The following GPC5 variants were observed in gnomAD, a reference collection of about 807,000 sequenced individuals.
The protein encoded by GPC5 is glypican-5.
In GPC5, 47 loss-of-function variants were observed where a neutral mutation model predicts 53.9. That is an observed-to-expected ratio of 0.87 (90% CI 0.69 to 1.11). GPC5 has a LOEUF of 1.11. GPC5 is among the 50% of genes most tolerant of loss of function. The probability of loss-of-function intolerance (pLI) is 0.00; values close to 1 mark genes in which losing one functional copy is unlikely to be tolerated. For synonymous variants in GPC5, 286 were observed against 263.3 expected, an observed-to-expected ratio of 1.09 and a Z score of -0.84; for missense variants, 748 against 713.1, an observed-to-expected ratio of 1.05 and a Z score of -0.56.
intron 2 of GPC5, among the ~76,000 whole-genome samples, chr13:91,634,517 T>A (rs965701506): frequency 7.2e-5 from 11 of 152,030 alleles, no homozygotes; most frequent in African/African-American, 2.7e-4. Context: ...CAAAGTCTCA[T>A]AAGTCTCATA....
At chr13:91,776,016 G>A (rs2037705834) in intron 5 of GPC5, among the ~76,000 whole-genome samples, 1 of 152,308 alleles carries the variant, frequency 6.6e-6, no homozygotes. Flanking sequence ...TGTCCCCATT[G>A]CATCTGGTCA....
intron 7 of GPC5, among the ~76,000 whole-genome samples, chr13:92,752,087 C>A (rs56865501): frequency 0.18 from 26,928 of 150,328 alleles, 2,495 homozygotes; most frequent in African/African-American, 0.21. Flanking sequence ...AAAGCAAGAA[C>A]TCTAGAGCAG....
At chr13:92,346,667 C>T (rs2043415597) in intron 7 of GPC5, among the ~76,000 whole-genome samples, 1 of 152,188 alleles carries the variant, frequency 6.6e-6, no homozygotes, top group Non-Finnish European at 1.5e-5. Context: ...GGAATCATTA[C>T]ACTTCAAGGG....
intron 6 of GPC5, among the ~76,000 whole-genome samples, chr13:92,095,250 C>A (rs927895144): frequency 6.6e-6 from 1 of 152,092 alleles, no homozygotes; most frequent in African/African-American, 2.4e-5. Context: ...AATAAACTTA[C>A]CAAGTTATAG....
intron 7 of GPC5, among the ~76,000 whole-genome samples, chr13:92,724,834 A>T (rs576517839): frequency 6.7e-6 from 1 of 150,152 alleles, no homozygotes; most frequent in Non-Finnish European, 1.5e-5. Context: ...TGCTCATTTA[A>T]AGATTTCTTA....
chr13:92,284,673 C>T (rs1333931058), intron 7 of GPC5, among the ~76,000 whole-genome samples: 4 of 152,096 alleles, frequency 2.6e-5, no homozygotes, highest in African/African-American at 9.7e-5. Flanking sequence ...CAGAAAACGC[C>T]TCTGACAAAA....
At chr13:92,268,677 A>G (rs1347006974) in intron 7 of GPC5, among the ~76,000 whole-genome samples, 1 of 151,848 alleles carries the variant, frequency 6.6e-6, no homozygotes, top group Non-Finnish European at 1.5e-5. Flanking sequence ...TGAAGCTACA[A>G]AATTATTCTG....
intron 7 of GPC5, among the ~76,000 whole-genome samples, chr13:92,171,327 GTTGA>G (rs547168891): frequency 1.2e-3 from 190 of 152,192 alleles, no homozygotes; most frequent in African/African-American, 4.5e-3. Flanking sequence ...TAGAAAACAT[GTTGA>G]TTATCTCAGT....
intron 7 of GPC5, among the ~76,000 whole-genome samples, chr13:92,865,774 T>G (rs1325283449): frequency 1.3e-5 from 2 of 152,134 alleles, no homozygotes; most frequent in Non-Finnish European, 2.9e-5. Flanking sequence ...TCTATAAAAT[T>G]TGTCAAGTAA....
At chr13:91,952,151 T>A (rs1261282092) in intron 6 of GPC5, among the ~76,000 whole-genome samples, 1 of 151,206 alleles carries the variant, frequency 6.6e-6, no homozygotes, top group African/African-American at 2.4e-5. Context: ...CTTGTCATGT[T>A]ACCATTTTGG....
At chr13:91,619,018 T>C (rs1453613166) in intron 2 of GPC5, among the ~76,000 whole-genome samples, 9 of 152,016 alleles carry the variant, frequency 5.9e-5, no homozygotes, top group Admixed American at 5.9e-4. Context: ...TAAGAGGAAA[T>C]TTGGCATTCT....
At chr13:92,056,579 T>C (rs1402367826) in intron 6 of GPC5, among the ~76,000 whole-genome samples, 1 of 152,164 alleles carries the variant, frequency 6.6e-6, no homozygotes, top group Admixed American at 6.5e-5. Flanking sequence ...GTACCAAGGG[T>C]AATGAGAATT....
intron 7 of GPC5, among the ~76,000 whole-genome samples, chr13:92,582,212 G>A (rs557333222): frequency 1.3e-5 from 2 of 152,100 alleles, no homozygotes; most frequent in Admixed American, 6.5e-5. Flanking sequence ...ATTTCGAGTT[G>A]ACTTTTGTAT....
intron 5 of GPC5, among the ~76,000 whole-genome samples, chr13:91,836,946 G>A (rs1020722386): frequency 3.3e-5 from 5 of 151,008 alleles, no homozygotes; most frequent in African/African-American, 1.2e-4. Flanking sequence ...TTGCTAAATT[G>A]TTTTTGCCAA....
intron 1 of GPC5, among the ~76,000 whole-genome samples, chr13:91,428,922 GTTTTC>G (rs1879243212): frequency 6.6e-6 from 1 of 151,886 alleles, no homozygotes; most frequent in Admixed American, 6.6e-5. Context: ...GTTTTGTTTT[GTTTTC>G]TTTTCTTTTT....
At chr13:92,118,317 G>A (rs746312452) in intron 6 of GPC5, among the ~76,000 whole-genome samples, 2 of 152,054 alleles carry the variant, frequency 1.3e-5, no homozygotes, top group Non-Finnish European at 2.9e-5. Flanking sequence ...TGTTTGTAAA[G>A]TATTTTTTAA....
At chr13:91,511,505 G>A (rs1041041623) in intron 2 of GPC5, among the ~76,000 whole-genome samples, 4 of 151,646 alleles carry the variant, frequency 2.6e-5, no homozygotes, top group African/African-American at 9.7e-5. Flanking sequence ...GTTTAACAAT[G>A]TCTCACAAAC....
intron 3 of GPC5, among the ~76,000 whole-genome samples, chr13:91,705,691 A>ACCC (rs1467127683): frequency 7.6e-6 from 1 of 130,824 alleles, no homozygotes; most frequent in South Asian, 2.5e-4. Flanking sequence ...GACTCTAAAA[A>ACCC]CACCCCCCCC....
chr13:91,978,823 GTAATA>G (rs1387875331), intron 6 of GPC5, among the ~76,000 whole-genome samples: 1 of 152,212 alleles, frequency 6.6e-6, no homozygotes, highest in Non-Finnish European at 1.5e-5. Context: ...GATTGACTGA[GTAATA>G]TGATAGTCCA....
Sources: gnomAD v4.1 joint callset for allele counts (sites outside exome capture counted in the v4.1 genomes callset) on GRCh38, gnomAD v4.1.1 for gene constraint, MANE v1.5 for transcripts, NCBI Gene and HGNC (gene_info 2026-07-23, HGNC 2026-07-21) for gene names.